The following RTN1 variants were observed in gnomAD, a reference collection of about 807,000 sequenced individuals.
The protein encoded by RTN1 is reticulon 1, also known as reticulon-1.
In RTN1, 25 loss-of-function variants were observed where a neutral mutation model predicts 65.5. That is an observed-to-expected ratio of 0.38 (90% CI 0.28 to 0.53). The LOEUF is 0.53. Ranked by LOEUF, RTN1 falls within the 20% of genes least tolerant of loss-of-function variation. The pLI, the probability that RTN1 is intolerant of heterozygous loss-of-function variation, is 0.79. For synonymous variants in RTN1, 471 were observed against 447.6 expected (o/e 1.05, Z -0.66); for missense variants, 983 against 1,025.4 (o/e 0.96, Z 0.57).
intron 1 of RTN1, among the ~76,000 whole-genome samples, chr14:59,842,154 A>G (rs1245266024): frequency 1.3e-5 from 2 of 152,038 alleles, no homozygotes; most frequent in Admixed American, 6.5e-5. Context: ...AGAAAAAAAA[A>G]AAAGAAAGCA....
At position 59,727,241 on chromosome 14, in the gene RTN1, G is replaced by T; in HGVS notation, c.1443C>A (p.Pro481=). 1.3e-6 allele frequency: 2 copies of T among 1,547,712 alleles called. No individual in the cohort carries two copies. Among genetic ancestry groups the T allele is most frequent in the East Asian group, 2.4e-5 (1 of 42,512 alleles). Residue 481 remains proline (P), a synonymous_variant, in exon 3 of 9, where the codon CCC becomes CCA. Transcript: ENST00000267484. This position sits in a 1 kb window ranked among gnomAD's most constrained non-coding sequence, Gnocchi z 4.2. ...CDASSASEES[P]KREQDSPPMK... ...TCGGGGGTGAGTCCTGCTCCCGCTTGGGGCTCTCCTCCGAGGCCGAGGAGG... is the reference window on the plus strand; with the variant it reads ...TCGGGGGTGAGTCCTGCTCCCGCTTTGGGCTCTCCTCCGAGGCCGAGGAGG...
At chr14:59,704,851 C>A (rs543881467) in intron 3 of RTN1, among the ~76,000 whole-genome samples, 2 of 152,182 alleles carry the variant, frequency 1.3e-5, no homozygotes, top group Admixed American at 1.3e-4. Context: ...ATAGACGTAT[C>A]ATTTTGATGC....
intron 2 of RTN1, 59 bp downstream of exon 2, chr14:59,745,649 A>G: frequency 7.2e-7 from 1 of 1,392,932 alleles, no homozygotes; most frequent in Non-Finnish European, 9.8e-7. Flanking sequence ...TATTTGTTTT[A>G]GGGATTGAGA....
In RTN1 at chr14:59,683,292, TA is replaced by T. The variant is rs535418123; in HGVS notation, c.1765+43626del. Among the ~76,000 whole-genome samples, 427 of 152,272 alleles carry T rather than the reference TA, an allele frequency of 2.8e-3. 3 individuals carry two copies. Among genetic ancestry groups the T allele is most frequent in the African/African-American group, 9.9e-3 (413 of 41,582 alleles). ...TAAATATTTCCAAATCATCCTGGGA[TA>T]GGGGAAGTGAAATATGCATTTCTAA... On this transcript the variant is annotated intron_variant, in intron 3 of 8. Coordinates refer to ENST00000267484, the MANE Select transcript of RTN1 (RefSeq NM_021136.3).
At chr14:59,752,340 A>T (rs531588919) in intron 1 of RTN1, among the ~76,000 whole-genome samples, 1 of 152,266 alleles carries the variant, frequency 6.6e-6, no homozygotes, top group Non-Finnish European at 1.5e-5. Flanking sequence ...TTCACATGGT[A>T]GAAAGGGTGA....
intron 3 of RTN1, among the ~76,000 whole-genome samples, chr14:59,688,611 C>T (rs2140226517): frequency 1.3e-5 from 2 of 152,310 alleles, no homozygotes; most frequent in South Asian, 4.1e-4. Flanking sequence ...CAGACAGCTC[C>T]TACCCATAGG....
intron 3 of RTN1, among the ~76,000 whole-genome samples, chr14:59,647,592 C>A (rs1364225798): frequency 1.3e-5 from 2 of 152,092 alleles, no homozygotes; most frequent in Non-Finnish European, 2.9e-5. Context: ...GAAATCATAC[C>A]AAATTCACTC....
Position 59,857,749 on chromosome 14 carries a change from C to T in RTN1, c.241+12641G>A, listed in dbSNP as rs766467939. On this transcript the variant is annotated intron_variant, in intron 1 of 8. Coordinates refer to ENST00000267484, the MANE Select transcript of RTN1 (RefSeq NM_021136.3). ...CTACTGTCAGACTAATCTTCCTTAA[C>T]ATAGCTCTGTGATATTACTTCCCTT... 8.5e-5 allele frequency among the ~76,000 whole-genome samples: 13 copies of T among 152,222 alleles called. 1 individual carries two copies. Among genetic ancestry groups the T allele is most frequent in the South Asian group, 2.1e-4 (1 of 4,834 alleles).
chr14:59,632,972 T>G (rs1882587678), intron 3 of RTN1, among the ~76,000 whole-genome samples: 2 of 152,088 alleles, frequency 1.3e-5, no homozygotes, highest in Non-Finnish European at 2.9e-5. Flanking sequence ...CATGGTGGCA[T>G]GCACCTGTAC....
intron 3 of RTN1, among the ~76,000 whole-genome samples, chr14:59,692,919 A>C (rs551164529): frequency 6.6e-6 from 1 of 152,312 alleles, no homozygotes; most frequent in East Asian, 1.9e-4. Context: ...ATGAGCCACC[A>C]CCTTTAATAA....
intron 1 of RTN1, among the ~76,000 whole-genome samples, chr14:59,860,803 T>C (rs1288588663): frequency 1.3e-5 from 2 of 152,160 alleles, no homozygotes; most frequent in African/African-American, 2.4e-5. Flanking sequence ...GGAGATCATT[T>C]TGAAGCTTTA....
Position 59,750,515 on chromosome 14 carries a change from A to T in RTN1, c.242-4034T>A, listed in dbSNP as rs1400160785. On this transcript the variant is annotated intron_variant, in intron 1 of 8. Coordinates refer to ENST00000267484, the MANE Select transcript of RTN1 (RefSeq NM_021136.3). ...ATATATTATATCTATAATATATATA[A>T]TATATCTATAATATATATAATATAT... Among the ~76,000 whole-genome samples, 8 of 3,984 alleles carry T rather than the reference A, an allele frequency of 2.0e-3. No individual in the cohort carries two copies. The East Asian group carries it at 0.087, about 43-fold the overall frequency. The allele number at this position is 3,984 out of a possible 152,430, so 2.6% of individuals were successfully genotyped here.
At chr14:59,869,131 A>T (rs1157263640) in intron 1 of RTN1, among the ~76,000 whole-genome samples, 1 of 151,938 alleles carries the variant, frequency 6.6e-6, no homozygotes, top group Non-Finnish European at 1.5e-5. Context: ...TTTTTATTCA[A>T]CGCATTCTCC....
rs373930285 is a variant in RTN1, at chr14:59,679,321, A to G, written c.1765+47598T>C. ...ATCTATTAAACAAACAGAGCCACCA[A>G]TGATAACCCATACACCCTTTGACTT... On this transcript the variant is annotated intron_variant, in intron 3 of 8. Transcript: ENST00000267484. 4.1e-4 allele frequency among the ~76,000 whole-genome samples: 62 copies of G among 152,352 alleles called. 2 individuals carry two copies. The highest frequency in any genetic ancestry group is 1.6e-3 in the Admixed American group (24 of 15,304).
intron 3 of RTN1, among the ~76,000 whole-genome samples, chr14:59,667,521 C>T (rs182089136): frequency 4.6e-5 from 7 of 152,200 alleles, no homozygotes; most frequent in East Asian, 1.9e-4. Flanking sequence ...TGGGCAAAAA[C>T]GGGAAGCATC....
chr14:59,743,532 G>A (rs997895481), intron 2 of RTN1, among the ~76,000 whole-genome samples: 20 of 152,126 alleles, frequency 1.3e-4, no homozygotes, highest in African/African-American at 4.8e-4. Context: ...AAGGAAGCTT[G>A]GAAACTCGGA....
rs1162319858 is a variant in RTN1 at position 59,870,616 on chromosome 14, C to T, written c.15G>A (p.Gly5=). Reference sequence around the variant, plus strand: ...GCGGCAGCAGCTCGTCCTGCGGATCCCCCGGCGCGGCCATGGCTGGCGGTC... The same window carrying T: ...GCGGCAGCAGCTCGTCCTGCGGATCTCCCGGCGCGGCCATGGCTGGCGGTC... MAAP[G]DPQDELLPLA... Residue 5 remains glycine, a synonymous_variant, in exon 1 of 9, where the codon GGG becomes GGA. Transcript: ENST00000267484. This position sits in a 1 kb window ranked among gnomAD's most constrained non-coding sequence, Gnocchi z 5.1. 2 of 1,422,612 alleles carry T rather than the reference C, an allele frequency of 1.4e-6. No homozygotes were observed. Among genetic ancestry groups the T allele is most frequent in the South Asian group, 2.9e-5 (2 of 68,836 alleles). The allele number at this position is 1,422,612 out of a possible 1,614,324, so 88.1% of individuals were successfully genotyped here.
At chr14:59,617,371 G>T (rs1333823600) in intron 3 of RTN1, among the ~76,000 whole-genome samples, 1 of 152,218 alleles carries the variant, frequency 6.6e-6, no homozygotes, top group East Asian at 1.9e-4. Flanking sequence ...GCTGGGCTCA[G>T]CTTTTAAAAA....
At chr14:59,615,886 G>A (rs1882087503) in intron 3 of RTN1, among the ~76,000 whole-genome samples, 1 of 152,138 alleles carries the variant, frequency 6.6e-6, no homozygotes, top group African/African-American at 2.4e-5. Flanking sequence ...CTCTATTAGA[G>A]TAAAGGTTTT....
Sources: gnomAD v4.1 joint callset for allele counts (sites outside exome capture counted in the v4.1 genomes callset) on GRCh38, gnomAD v4.1.1 for gene constraint, Gnocchi (gnomAD v3.1) non-coding constraint, MANE v1.5 for transcripts, NCBI Gene and HGNC (gene_info 2026-07-23, HGNC 2026-07-21) for gene names.